Variants in PAWR observed in about 807,000 individuals in gnomAD.
PAWR encodes the protein PRKC apoptosis WT1 regulator protein.
In PAWR, 23 loss-of-function variants were observed where a neutral mutation model predicts 32.0. The observed-to-expected ratio is 0.72, with a 90% CI of 0.52 to 1.02. The LOEUF (loss-of-function observed/expected upper bound fraction) is 1.02, where lower values mean the gene tolerates loss of function less well. PAWR is among the 50% of genes least tolerant of loss of function. The pLI is 0.00. For missense variants in PAWR, 457 were observed against 437.7 expected, an observed-to-expected ratio of 1.04 and a Z score of -0.39; for synonymous variants, 226 against 187.1, an observed-to-expected ratio of 1.21 and a Z score of -1.70.
intron 2 of PAWR, among the ~76,000 whole-genome samples, chr12:79,665,163 G>A (rs778693283): frequency 1.6e-4 from 25 of 152,076 alleles, no homozygotes; most frequent in Non-Finnish European, 2.8e-4. Context: ...GATTTTTAAG[G>A]AAAATTTTAT....
chr12:79,599,423 C>G (rs1873879351), intron 4 of PAWR, among the ~76,000 whole-genome samples: 1 of 152,180 alleles, frequency 6.6e-6, no homozygotes, highest in African/African-American at 2.4e-5. Flanking sequence ...ATGAAAGAAG[C>G]AGGACACCGA....
intron 2 of PAWR, among the ~76,000 whole-genome samples, chr12:79,641,053 C>T (rs1876300263): frequency 6.6e-6 from 1 of 152,140 alleles, no homozygotes; most frequent in Admixed American, 6.5e-5. Flanking sequence ...ATACAACACA[C>T]TCATCATTAA....
chr12:79,690,125 G>C lies in PAWR; in HGVS notation c.120C>G (p.Ala40=). ...CGTCGCTGCTGCCCCCTCCCGGGGG[G>C]GCCGGGCCCGGGGGGTTCTGCTTGG... ...MRAKQNPPGP[A]PPGGGSSDAA... The change falls in exon 2 of 7, where the codon GCC becomes GCG. Residue 40 remains alanine, a synonymous_variant. Transcript: ENST00000328827. 6.6e-7 allele frequency: 1 copy of C among 1,504,934 alleles called. No individual in the cohort carries two copies. The highest frequency in any genetic ancestry group is 8.9e-7 in the Non-Finnish European group (1 of 1,129,788). 93.2% of individuals were successfully genotyped at this position (1,504,934 alleles called of 1,614,324 possible).
At chr12:79,666,868 A>T (rs1294524066) in intron 2 of PAWR, among the ~76,000 whole-genome samples, 2 of 152,226 alleles carry the variant, frequency 1.3e-5, no homozygotes, top group African/African-American at 2.4e-5. Flanking sequence ...AATAATTTTT[A>T]AGAATGTAAA....
chr12:79,655,664 T>C (rs753777575), intron 2 of PAWR, among the ~76,000 whole-genome samples: 1 of 152,178 alleles, frequency 6.6e-6, no homozygotes, highest in Non-Finnish European at 1.5e-5. Flanking sequence ...CCAACAATAT[T>C]CTGAAATGGA....
chr12:79,592,372 T>C lies in PAWR; in HGVS notation c.*235A>G, dbSNP rs1873587016. 1 of 400,094 alleles carries C rather than the reference T, an allele frequency of 2.5e-6. No homozygotes were observed. The highest frequency in any genetic ancestry group is 4.4e-6 in the Non-Finnish European group (1 of 227,498). 24.8% of individuals were successfully genotyped at this position (400,094 alleles called of 1,614,324 possible). On this transcript the variant is annotated 3_prime_UTR_variant, in exon 7 of 7. Transcript: ENST00000328827. ...ATACCACACAAAACCAAAAAGGCAT[T>C]ATCTATCATTTAATAACTGAAAGAT... is the stretch of plus-strand genomic sequence containing the variant.
At position 79,591,561 on chromosome 12, in the gene PAWR, A is replaced by G. The variant is rs1331544542; in HGVS notation, c.*1046T>C. 1.3e-5 allele frequency: 2 copies of G among 152,154 alleles called. No individual in the cohort carries two copies. The highest frequency in any genetic ancestry group is 4.8e-5 in the African/African-American group (2 of 41,448). The allele number at this position is 152,154 out of a possible 1,614,324, so 9.4% of individuals were successfully genotyped here. A position where few individuals can be genotyped will look rare whatever the true frequency, so the allele number is the denominator to read the frequency against. On this transcript the variant is annotated 3_prime_UTR_variant, in exon 7 of 7. Coordinates refer to ENST00000328827, the MANE Select transcript of PAWR (RefSeq NM_002583.4). The stretch of plus-strand genomic sequence containing the variant: ...AAATCTGTATAATTATTTAGAAGTA[A>G]CTCTGTTTTTAAAATTTCAATGTTA...
rs188384971 is a variant in PAWR at position 79,618,330 on chromosome 12, T to C, written c.648+2746A>G. ...TTTTAGAAGAGATGGGGTTTTGTCA[T>C]GTTGGCCAGGCTAGTCTTGAACTTC... On this transcript the variant is annotated intron_variant, in intron 3 of 6. Transcript: ENST00000328827. Among the ~76,000 whole-genome samples, 7 of 152,294 alleles carry C rather than the reference T, an allele frequency of 4.6e-5. No individual in the cohort carries two copies. The East Asian group carries it at 9.7e-4, about 21-fold the overall frequency.
chr12:79,611,147 T>C (rs1375943842), intron 4 of PAWR, among the ~76,000 whole-genome samples: 1 of 146,970 alleles, frequency 6.8e-6, no homozygotes, highest in Non-Finnish European at 1.5e-5. Flanking sequence ...AAAATTTATA[T>C]ATATATATTT....
At chr12:79,636,378 T>C (rs1875962177) in intron 2 of PAWR, among the ~76,000 whole-genome samples, 1 of 152,108 alleles carries the variant, frequency 6.6e-6, no homozygotes, top group Non-Finnish European at 1.5e-5. Context: ...GTATAACTTT[T>C]ACTTATATTA....
chr12:79,670,037 A>G (rs1210019156), intron 2 of PAWR, among the ~76,000 whole-genome samples: 2 of 152,200 alleles, frequency 1.3e-5, no homozygotes, highest in Non-Finnish European at 2.9e-5. Flanking sequence ...TCTAAGAAAA[A>G]TGTAAATATT....
intron 2 of PAWR, among the ~76,000 whole-genome samples, chr12:79,654,232 T>G (rs1290853901): frequency 6.6e-6 from 1 of 152,200 alleles, no homozygotes; most frequent in Non-Finnish European, 1.5e-5. Context: ...TACAATACTA[T>G]TCAAAGCACC....
chr12:79,608,219 GA>G (rs1874274626), intron 4 of PAWR, among the ~76,000 whole-genome samples: 1 of 152,152 alleles, frequency 6.6e-6, no homozygotes, highest in Admixed American at 6.5e-5. Context: ...ATGAGGTTGA[GA>G]ACTAAAGTTC....
chr12:79,663,174 G>A (rs928577233), intron 2 of PAWR, among the ~76,000 whole-genome samples: 2 of 152,140 alleles, frequency 1.3e-5, no homozygotes, highest in Non-Finnish European at 2.9e-5. Flanking sequence ...TGCTCCCTTG[G>A]TGTGGCCAAA....
chr12:79,660,872 T>C (rs1451512643), intron 2 of PAWR, among the ~76,000 whole-genome samples: 2 of 151,628 alleles, frequency 1.3e-5, no homozygotes, highest in Admixed American at 6.6e-5. Flanking sequence ...GCGAGAGCCA[T>C]TGCGGCCAGC....
chr12:79,626,220 A>G lies in PAWR; in HGVS notation c.517-5013T>C, dbSNP rs141125500. Among the ~76,000 whole-genome samples the G allele has an allele frequency of 3.1e-3, 465 of 150,308 alleles. 6 individuals carry two copies. Among genetic ancestry groups the G allele is most frequent in the African/African-American group, 0.011 (441 of 40,928 alleles). On this transcript the variant is annotated intron_variant, in intron 2 of 6. Transcript: ENST00000328827. Reference sequence around the variant, plus strand: ...TATATATAAAATGAAGAATTAAAGCAGACTTATCAACAGAAACTATACAAG... The same window carrying G: ...TATATATAAAATGAAGAATTAAAGCGGACTTATCAACAGAAACTATACAAG...
At chr12:79,611,404 C>T (rs1469367677) in intron 4 of PAWR, among the ~76,000 whole-genome samples, 1 of 150,364 alleles carries the variant, frequency 6.7e-6, no homozygotes, top group Non-Finnish European at 1.5e-5. Context: ...CATGTGATGC[C>T]AAATTTCTAT....
intron 2 of PAWR, among the ~76,000 whole-genome samples, chr12:79,677,092 G>C (rs1878205520): frequency 6.6e-6 from 1 of 152,172 alleles, no homozygotes; most frequent in African/African-American, 2.4e-5. Flanking sequence ...GCTGGTAACA[G>C]AACAGCTGTA....
At chr12:79,617,005 T>G (rs1206301063) in intron 3 of PAWR, among the ~76,000 whole-genome samples, 3 of 152,198 alleles carry the variant, frequency 2.0e-5, no homozygotes, top group African/African-American at 7.2e-5. Flanking sequence ...TTGGTGGATT[T>G]GAATATGGTC....
Sources: gnomAD v4.1 joint callset for allele counts (sites outside exome capture counted in the v4.1 genomes callset) on GRCh38, gnomAD v4.1.1 for gene constraint, MANE v1.5 for transcripts, NCBI Gene and HGNC (gene_info 2026-07-23, HGNC 2026-07-21) for gene names.